Variants in EYS observed in about 807,000 individuals in gnomAD.
The protein encoded by EYS is EGF-like photoreceptor maintenance factor, also known as protein eyes shut homolog.
In EYS, 250 loss-of-function variants were observed where a neutral mutation model predicts 282.1. That is an observed-to-expected ratio of 0.89 (90% CI 0.80 to 0.98). The LOEUF (loss-of-function observed/expected upper bound fraction) is 0.98. EYS is among the 50% of genes least tolerant of loss of function. The pLI, the probability that EYS is intolerant of heterozygous loss-of-function variation, is 0.00. For synonymous variants in EYS, 1,355 were observed against 1,282.9 expected (o/e 1.06, Z -1.20); for missense variants, 4,016 against 3,709.0 (o/e 1.08, Z -2.15).
chr6:64,278,740 T>C (rs978604659), intron 30 of EYS, among the ~76,000 whole-genome samples: 7 of 143,904 alleles, frequency 4.9e-5, no homozygotes, highest in African/African-American at 1.2e-4. Flanking sequence ...CTCTCTCTCT[T>C]TCTCTCTTTC....
At chr6:65,326,632 A>T (rs1397577180) in intron 11 of EYS, among the ~76,000 whole-genome samples, 3 of 151,640 alleles carry the variant, frequency 2.0e-5, no homozygotes, top group Non-Finnish European at 4.4e-5. Flanking sequence ...TATAGAATTT[A>T]TATATGAATT....
intron 26 of EYS, among the ~76,000 whole-genome samples, chr6:64,450,827 A>G (rs1044276410): frequency 4.6e-5 from 7 of 152,344 alleles, no homozygotes; most frequent in African/African-American, 1.4e-4. Flanking sequence ...AAGACACAAC[A>G]TATCAGAATC....
chr6:64,125,353 G>A (rs1226697138), intron 31 of EYS, among the ~76,000 whole-genome samples: 1 of 152,016 alleles, frequency 6.6e-6, no homozygotes, highest in Non-Finnish European at 1.5e-5. Flanking sequence ...TCCCATGCAT[G>A]GGTCAGCCTT....
At chr6:65,648,968 T>A (rs1037744511) in intron 1 of EYS, among the ~76,000 whole-genome samples, 1 of 151,398 alleles carries the variant, frequency 6.6e-6, no homozygotes, top group Non-Finnish European at 1.5e-5. Flanking sequence ...AACATGCTGA[T>A]ACCCCATCTC....
chr6:64,146,238 C>T (rs1244028911), intron 31 of EYS, among the ~76,000 whole-genome samples: 1 of 152,060 alleles, frequency 6.6e-6, no homozygotes, highest in Admixed American at 6.6e-5. Flanking sequence ...AGGAATATTA[C>T]CATCCATTGT....
intron 22 of EYS, among the ~76,000 whole-genome samples, chr6:64,774,749 C>A (rs1170615934): frequency 6.6e-6 from 1 of 151,862 alleles, no homozygotes; most frequent in Non-Finnish European, 1.5e-5. Context: ...TTTGAAACTT[C>A]CCACTGTAAA....
intron 35 of EYS, among the ~76,000 whole-genome samples, chr6:63,937,334 T>A (rs1392753669): frequency 7.8e-6 from 1 of 128,598 alleles, no homozygotes; most frequent in Non-Finnish European, 1.6e-5. Flanking sequence ...TTTTCTAGGC[T>A]TCTCTCTTTT....
chr6:65,098,585 T>C (rs1250220100), intron 12 of EYS, among the ~76,000 whole-genome samples: 1 of 150,734 alleles, frequency 6.6e-6, no homozygotes, highest in African/African-American at 2.4e-5. Context: ...ATACTATAAA[T>C]GGAAGCTAAA....
chr6:65,330,041 G>A, intron 11 of EYS: 1 of 984,350 alleles, frequency 1.0e-6, no homozygotes, highest in Non-Finnish European at 1.2e-6. Flanking sequence ...AAAGCCAGAA[G>A]ACACACTGCT....
chr6:64,534,796 CT>C (rs199740002), intron 26 of EYS, among the ~76,000 whole-genome samples: 4,408 of 146,132 alleles, frequency 0.03, 208 homozygotes, highest in African/African-American at 0.099. Context: ...TTAACACCAT[CT>C]TTTTTTTTTT....
At chr6:65,019,037 T>C (rs1020979348) in intron 13 of EYS, among the ~76,000 whole-genome samples, 7 of 152,120 alleles carry the variant, frequency 4.6e-5, no homozygotes, top group African/African-American at 1.7e-4. Context: ...ATAAGTGGCA[T>C]AAATGTAGAA....
intron 22 of EYS, among the ~76,000 whole-genome samples, chr6:64,786,105 T>C (rs1774007290): frequency 6.6e-6 from 1 of 151,960 alleles, no homozygotes; most frequent in South Asian, 2.1e-4. Flanking sequence ...TAGCAGAATA[T>C]AACTCAGGTT....
At chr6:64,617,209 C>T (rs1767301250) in intron 24 of EYS, among the ~76,000 whole-genome samples, 2 of 151,884 alleles carry the variant, frequency 1.3e-5, no homozygotes, top group African/African-American at 4.8e-5. Context: ...GAATGTTTTT[C>T]TTCTGAAAGA....
intron 1 of EYS, among the ~76,000 whole-genome samples, chr6:65,674,102 GC>G (rs1476139498): frequency 1.3e-5 from 2 of 151,800 alleles, no homozygotes; most frequent in Non-Finnish European, 2.9e-5. Context: ...GAAATGACAA[GC>G]AAAAAGAAAA....
At chr6:65,450,599 T>G (rs997000511) in intron 5 of EYS, among the ~76,000 whole-genome samples, 1 of 152,110 alleles carries the variant, frequency 6.6e-6, no homozygotes, top group Non-Finnish European at 1.5e-5. Context: ...GCCTAGGCCT[T>G]TATATCCCTC....
chr6:64,535,016 C>G (rs1638927704), intron 26 of EYS, among the ~76,000 whole-genome samples: 1 of 152,116 alleles, frequency 6.6e-6, no homozygotes, highest in South Asian at 2.1e-4. Flanking sequence ...CCTCTTTGGT[C>G]TTGCCTGTCC....
At chr6:65,186,334 C>T (rs1028125795) in intron 12 of EYS, among the ~76,000 whole-genome samples, 3 of 151,756 alleles carry the variant, frequency 2.0e-5, no homozygotes, top group South Asian at 2.1e-4. Context: ...CAATTCACTA[C>T]TTCCTCTTGA....
intron 35 of EYS, among the ~76,000 whole-genome samples, chr6:63,968,947 G>T (rs571647358): frequency 1.3e-5 from 2 of 152,298 alleles, no homozygotes; most frequent in East Asian, 3.9e-4. Flanking sequence ...CGTACTTGTG[G>T]TTATATAGAA....
chr6:65,490,434 C>A, intron 5 of EYS, 160 bp downstream of exon 5: 1 of 547,648 alleles, frequency 1.8e-6, no homozygotes. Flanking sequence ...TTGTATTAAC[C>A]AAATTGATTT....
Sources: allele counts gnomAD v4.1 joint callset (sites outside exome capture counted in the v4.1 genomes callset), GRCh38; gene constraint gnomAD v4.1.1; transcripts MANE v1.5; gene names NCBI Gene and HGNC (gene_info 2026-07-23, HGNC 2026-07-21).